RBM12B: variants seen among roughly 807,000 people sequenced by gnomAD.
RBM12B encodes the protein RNA-binding protein 12B.
Under a neutral mutation model 34.3 loss-of-function variants are expected in RBM12B, and 10 were observed. That is an observed-to-expected ratio of 0.29 (90% CI 0.18 to 0.49). RBM12B has a LOEUF of 0.49. Ranked by LOEUF, RBM12B falls within the 20% of genes least tolerant of loss-of-function variation. The pLI is 0.99. For synonymous variants in RBM12B, 477 were observed against 437.1 expected, an observed-to-expected ratio of 1.09 and a Z score of -1.14; for missense variants, 1,139 against 1,262.7, an observed-to-expected ratio of 0.90 and a Z score of 1.48.
rs1586309622 is a variant in RBM12B, at chr8:93,734,058, C to T, written c.2353G>A (p.Glu785Lys). 1 of 1,585,960 alleles carries T rather than the reference C, an allele frequency of 6.3e-7. No homozygotes were observed. The highest frequency in any genetic ancestry group is 8.6e-7 in the Non-Finnish European group (1 of 1,169,214). The stretch of plus-strand genomic sequence containing the variant: ...TCCTGAGGCGGCCGCCTGAAATGCT[C>T]CTGGGGCGGTCTCCGGAAGTGCTCC... Reference protein sequence around the residue: ...PPEHFRRPPQEHFRRPPQEHF... With the variant: ...PPEHFRRPPQKHFRRPPQEHF... The change falls in exon 4 of 4, where the codon GAG becomes AAG. Residue 785 changes from glutamate to lysine, a missense_variant. Physicochemically the swap from Glu to Lys is moderately conservative, Grantham distance 56. This residue lies in a region of RBM12B where 863 missense variants were observed against 869.5 expected (regional missense o/e 0.99). Coordinates refer to ENST00000520560, the MANE Select transcript of RBM12B (RefSeq NM_001377960.1).
rs578229212 is a variant in RBM12B, at chr8:93,728,446, A to T, written c.*4959T>A. The T allele has an allele frequency of 2.1e-5, 11 of 520,050 alleles. No individual in the cohort carries two copies. In the East Asian group the frequency reaches 3.5e-4, roughly 17 times the overall value. 32.2% of individuals were successfully genotyped at this position (520,050 alleles called of 1,614,324 possible). A position where few individuals can be genotyped will look rare whatever the true frequency, so the allele number is the denominator to read the frequency against. On this transcript the variant is annotated 3_prime_UTR_variant, in exon 4 of 4. Transcript: ENST00000520560. ...TAAAGGAAACTTATGCTGACCAAAA[A>T]TGAAGGCTTTAAAAAATATTGCATA...
intron 2 of RBM12B, chr8:93,738,862 A>G (rs1812105840): frequency 6.6e-6 from 1 of 152,226 alleles, no homozygotes; most frequent in South Asian, 2.1e-4. Flanking sequence ...GGGTCTGAAG[A>G]TACATTCACT....
In RBM12B at chr8:93,736,128, G is replaced by A. The variant is rs756795147; in HGVS notation, c.283C>T (p.Arg95Cys). Residue 95 changes from arginine to cysteine, a missense_variant, in exon 4 of 4, where the codon CGT (arginine) becomes TGT (cysteine). Physicochemically the swap from Arg to Cys is radical, Grantham distance 180. Coordinates refer to ENST00000520560, the MANE Select transcript of RBM12B (RefSeq NM_001377960.1). ...MKRTDRVGRG[R>C]PGSGTSGVDS... ...ACCCCTGATGTCCCAGATCCTGGAC[G>A]CCCTCTTCCTACACGATCAGTTCTT... The A allele has an allele frequency of 1.2e-5, 19 of 1,613,908 alleles. No individual in the cohort carries two copies. Among genetic ancestry groups the A allele is most frequent in the East Asian group, 6.7e-5 (3 of 44,894 alleles).
rs1563657937 is a variant in RBM12B at position 93,732,579 on chromosome 8, CTT to C, written c.*824_*825del. The C allele has an allele frequency of 6.6e-6, 1 of 152,152 alleles. No homozygotes were observed. Among genetic ancestry groups the C allele is most frequent in the Non-Finnish European group, 1.5e-5 (1 of 68,026 alleles). 9.4% of individuals were successfully genotyped at this position (152,152 alleles called of 1,614,324 possible). A position where few individuals can be genotyped will look rare whatever the true frequency, so the allele number is the denominator to read the frequency against. ...TATAATTAGATTCTTATTTTACTAT[CTT>C]TTGCGTATCTTGTATTAATTTTACT... On this transcript the variant is annotated 3_prime_UTR_variant, in exon 4 of 4. Transcript: ENST00000520560.
At position 93,731,998 on chromosome 8, in the gene RBM12B, T is replaced by C. The variant is rs1026259712; in HGVS notation, c.*1407A>G. 6.6e-6 allele frequency: 1 copy of C among 152,534 alleles called. No homozygotes were observed. The highest frequency in any genetic ancestry group is 2.4e-5 in the African/African-American group (1 of 41,442). The allele number at this position is 152,534 out of a possible 1,614,324, so 9.4% of individuals were successfully genotyped here. ...AACAATTGAAGTGAGAAAATAATCA[T>C]TTATCCTTGAAAGTATCTTTAGCAT... is the stretch of plus-strand genomic sequence containing the variant. On this transcript the variant is annotated 3_prime_UTR_variant, in exon 4 of 4. Transcript: ENST00000520560.
In RBM12B at chr8:93,734,760, C is replaced by T. The variant is rs778875803; in HGVS notation, c.1651G>A (p.Asp551Asn). Reference sequence around the variant, plus strand: ...CGGAAGTCTTCTGGAGGGTGCCTGTCAGGCTGCCGGAAATCCCTCTGGGGA... The same window carrying T: ...CGGAAGTCTTCTGGAGGGTGCCTGTTAGGCTGCCGGAAATCCCTCTGGGGA... The part of the protein sequence containing the change: ...KHPQRDFRQP[D>N]RHPPEDFRHS... Residue 551 changes from aspartate (D) to asparagine (N), a missense_variant, in exon 4 of 4, where the codon GAC becomes AAC. This residue lies in a region of RBM12B where 863 missense variants were observed against 869.5 expected (regional missense o/e 0.99). Coordinates refer to ENST00000520560, the MANE Select transcript of RBM12B (RefSeq NM_001377960.1). The T allele has an allele frequency of 1.5e-5, 25 of 1,614,032 alleles. No individual in the cohort carries two copies. Among genetic ancestry groups the T allele is most frequent in the Non-Finnish European group, 1.9e-5 (22 of 1,180,008 alleles).
Position 93,728,565 on chromosome 8 carries a change from T to C in RBM12B, c.*4840A>G, listed in dbSNP as rs1305954107. On this transcript the variant is annotated 3_prime_UTR_variant, in exon 4 of 4. Transcript: ENST00000520560. ...TGTATTTCAAAGTATTTCATATTAA[T>C]GTACTATATCTACTTGAAGTTCCAA... 3 of 266,912 alleles carry C rather than the reference T, an allele frequency of 1.1e-5. No individual in the cohort carries two copies. Among genetic ancestry groups the C allele is most frequent in the Non-Finnish European group, 2.1e-5 (3 of 142,892 alleles). The allele number at this position is 266,912 out of a possible 1,614,324, so 16.5% of individuals were successfully genotyped here. A position where few individuals can be genotyped will look rare whatever the true frequency, so the allele number is the denominator to read the frequency against.
intron 2 of RBM12B, among the ~76,000 whole-genome samples, chr8:93,737,908 C>T (rs527871152): frequency 6.6e-6 from 1 of 151,892 alleles, no homozygotes; most frequent in East Asian, 1.9e-4. Context: ...GTTCTCCTCC[C>T]TTTCAAAACA....
rs1026982380 is a variant in RBM12B at position 93,740,666 on chromosome 8, T to C, written c.-115A>G. ...TCGAGATCTTCACTCTCAAGATCCC[T>C]GGGAAGCGCACATACACCACCACAT... On this transcript the variant is annotated 5_prime_UTR_variant, in exon 2 of 4. Transcript: ENST00000520560. The C allele has an allele frequency of 5.9e-5, 22 of 375,872 alleles. No individual in the cohort carries two copies. The highest frequency in any genetic ancestry group is 4.0e-4 in the African/African-American group (19 of 47,368). The allele number at this position is 375,872 out of a possible 1,614,324, so 23.3% of individuals were successfully genotyped here.
At position 93,728,184 on chromosome 8, in the gene RBM12B, AAG is replaced by A; in HGVS notation, c.*5219_*5220del. On this transcript the variant is annotated 3_prime_UTR_variant, in exon 4 of 4. Transcript: ENST00000520560. ...TTTAAGTTAGTATTTTTATTTTAAAAAGTGTGTTAACTTTTAACAGGTATCCA... is the reference window on the plus strand; with the variant it reads ...TTTAAGTTAGTATTTTTATTTTAAAATGTGTTAACTTTTAACAGGTATCCA... 1 of 1,451,064 alleles carries A rather than the reference AAG, an allele frequency of 6.9e-7. No homozygotes were observed. Among genetic ancestry groups the A allele is most frequent in the South Asian group, 1.5e-5 (1 of 66,234 alleles). 89.9% of individuals were successfully genotyped at this position (1,451,064 alleles called of 1,614,324 possible).
rs1020631852 is a variant in RBM12B, at chr8:93,729,537, C to T, written c.*3868G>A. On this transcript the variant is annotated 3_prime_UTR_variant, in exon 4 of 4. Coordinates refer to ENST00000520560, the MANE Select transcript of RBM12B (RefSeq NM_001377960.1). ...TGCCTTGTTTGTAAAGTTAAAACTG[C>T]GTAAAACAGTAATTCTGGAATAAAA... is the stretch of plus-strand genomic sequence containing the variant. 2.0e-5 allele frequency: 3 copies of T among 152,070 alleles called. No individual in the cohort carries two copies. Among genetic ancestry groups the T allele is most frequent in the Admixed American group, 6.5e-5 (1 of 15,270 alleles). 9.4% of individuals were successfully genotyped at this position (152,070 alleles called of 1,614,324 possible).
intron 2 of RBM12B, chr8:93,740,407 A>C (rs562526710): frequency 7.4e-5 from 34 of 457,294 alleles, no homozygotes; most frequent in Non-Finnish European, 1.3e-4. Flanking sequence ...TTGTCGCCAG[A>C]CTTTCAGCCA....
chr8:93,735,370 AAC>A lies in RBM12B; in HGVS notation c.1039_1040del (p.Val347PhefsTer9). The A allele has an allele frequency of 1.2e-6, 2 of 1,613,942 alleles. No homozygotes were observed. Among genetic ancestry groups the A allele is most frequent in the African/African-American group, 1.3e-5 (1 of 75,054 alleles). On this transcript the variant is annotated frameshift_variant, in exon 4 of 4. Transcript: ENST00000520560. LOFTEE classifies it low-confidence loss of function (END_TRUNC). Reference sequence around the variant, plus strand: ...CAATATGAACTGGACGATATTGTAAAACAGTCTTATGTAAACTCAGAGCGGTA... The same window carrying A: ...CAATATGAACTGGACGATATTGTAAAAGTCTTATGTAAACTCAGAGCGGTA... ...YNTALSLHKT[V>X]LQYRPVHIDP...
Position 93,736,274 on chromosome 8 carries a change from A to G in RBM12B, c.137T>C (p.Ile46Thr). 6.2e-7 allele frequency: 1 copy of G among 1,614,154 alleles called. No individual in the cohort carries two copies. The highest frequency in any genetic ancestry group is 8.5e-7 in the Non-Finnish European group (1 of 1,180,038). Residue 46 changes from isoleucine (I) to threonine (T), a missense_variant, in exon 4 of 4, where the codon ATT becomes ACT. Around this residue, in one of 3 missense-constraint regions of RBM12B, gnomAD observed 216 missense variants for 292.2 expected, o/e 0.74. Transcript: ENST00000520560. ...IGGEIGEAFI[I>T]FATDEDARRA... is the part of the protein sequence containing the mutation. ...TCTTGCATCTTCATCTGTTGCAAAA[A>G]TAATAAAAGCCTCCCCAATTTCCCC...
chr8:93,736,465 G>A, intron 3 of RBM12B, 27 bp from the exon 4 acceptor site: 2 of 1,481,238 alleles, frequency 1.4e-6, no homozygotes, highest in Non-Finnish European at 1.8e-6. Context: ...ACACATAATA[G>A]CAAGTCTTAT....
Position 93,733,810 on chromosome 8 carries a change from A to T in RBM12B, c.2601T>A (p.Pro867=), listed in dbSNP as rs1277254357. 6.2e-7 allele frequency: 1 copy of T among 1,614,118 alleles called. No homozygotes were observed. The highest frequency in any genetic ancestry group is 1.1e-5 in the South Asian group (1 of 91,080). The change falls in exon 4 of 4, where the codon CCT becomes CCA. Residue 867 remains proline, a synonymous_variant. Coordinates refer to ENST00000520560, the MANE Select transcript of RBM12B (RefSeq NM_001377960.1). ...EDPRLPDNFR[P]PGEDFRSPPD... ...GCGGGCTCCTAAAATCCTCACCAGG[A>T]GGTCTAAAATTGTCAGGAAGTCTAG...
At chr8:93,739,157 A>C (rs1166965622) in intron 2 of RBM12B, 3 of 152,282 alleles carry the variant, frequency 2.0e-5, no homozygotes, top group South Asian at 4.1e-4. Flanking sequence ...TACTCTTTTT[A>C]AGATATTTTA....
chr8:93,739,679 G>C (rs1012700824), intron 2 of RBM12B, among the ~76,000 whole-genome samples: 1 of 152,148 alleles, frequency 6.6e-6, no homozygotes, highest in African/African-American at 2.4e-5. Context: ...TTAAAATTTT[G>C]CGTTTTTCTA....
chr8:93,736,113 T>C lies in RBM12B; in HGVS notation c.298A>G (p.Thr100Ala). The change falls in exon 4 of 4, where the codon ACA becomes GCA. Residue 100 changes from threonine to alanine, a missense_variant. This residue lies in a region of RBM12B where 216 missense variants were observed against 292.2 expected (regional missense o/e 0.74). Transcript: ENST00000520560. Reference sequence around the variant, plus strand: ...TTAGACAGGCTGTCAACCCCTGATGTCCCAGATCCTGGACGCCCTCTTCCT... The same window carrying C: ...TTAGACAGGCTGTCAACCCCTGATGCCCCAGATCCTGGACGCCCTCTTCCT... ...RVGRGRPGSG[T>A]SGVDSLSNFI... The C allele has an allele frequency of 1.2e-6, 2 of 1,614,222 alleles. No individual in the cohort carries two copies. Among genetic ancestry groups the C allele is most frequent in the Non-Finnish European group, 1.7e-6 (2 of 1,180,042 alleles).
Sources: allele counts gnomAD v4.1 joint callset (sites outside exome capture counted in the v4.1 genomes callset), GRCh38; gene constraint gnomAD v4.1.1; regional missense constraint gnomAD v4.1.1; transcripts MANE v1.5; gene names NCBI Gene and HGNC (gene_info 2026-07-23, HGNC 2026-07-21).